Variants in ACYP2 observed in about 807,000 individuals in gnomAD.
ACYP2 encodes the protein acylphosphatase-2.
In ACYP2, 12 loss-of-function variants were observed where a neutral mutation model predicts 11.2. The ratio of observed to expected loss-of-function variants is 1.08; its 90% confidence interval spans 0.69 to 1.74. The LOEUF is 1.74. Among genes scored for constraint, ACYP2 ranks in the 40% most tolerant of loss-of-function variants. The probability of loss-of-function intolerance (pLI) is 0.00; values close to 1 mark genes in which losing one functional copy is unlikely to be tolerated. For synonymous variants in ACYP2, 43 were observed against 32.2 expected (o/e 1.33, Z -1.13); for missense variants, 134 against 101.9 (o/e 1.31, Z -1.35).
At chr2:54,285,169 C>T (rs914370292) in intron 6 of ACYP2, among the ~76,000 whole-genome samples, 1 of 152,152 alleles carries the variant, frequency 6.6e-6, no homozygotes, top group Non-Finnish European at 1.5e-5. Flanking sequence ...GTACTGGTCC[C>T]TTTGGAATCC....
Position 54,123,163 on chromosome 2 carries a change from A to G in ACYP2, c.278-12290A>G, listed in dbSNP as rs1680255369. The G allele has an allele frequency of 7.7e-6, 3 of 391,494 alleles. No homozygotes were observed. In the South Asian group the frequency reaches 4.3e-4, roughly 56 times the overall value. 24.3% of individuals were successfully genotyped at this position (391,494 alleles called of 1,614,324 possible). A position where few individuals can be genotyped will look rare whatever the true frequency, so the allele number is the denominator to read the frequency against. ...TGTCCCTGTGACAAGGGCAGGGTAG[A>G]AAGTAGCCAGGAATGACACACTAAT... On this transcript the variant is annotated intron_variant, in intron 4 of 6. Transcript: ENST00000607452.
chr2:54,033,280 C>T (rs140519852), intron 2 of ACYP2, among the ~76,000 whole-genome samples: 29 of 151,638 alleles, frequency 1.9e-4, no homozygotes, highest in African/African-American at 6.8e-4. Context: ...TCACTGCAGC[C>T]TTGACCTCCC....
At chr2:54,067,164 T>C (rs576638366) in intron 4 of ACYP2, among the ~76,000 whole-genome samples, 105 of 152,358 alleles carry the variant, frequency 6.9e-4, no homozygotes, top group African/African-American at 2.0e-3. Flanking sequence ...TACTTGAGAC[T>C]CTAAAGGTTG....
intron 6 of ACYP2, among the ~76,000 whole-genome samples, chr2:54,189,810 T>A (rs1337479575): frequency 1.3e-5 from 2 of 152,156 alleles, no homozygotes; most frequent in Non-Finnish European, 2.9e-5. Flanking sequence ...GCTGCACCAA[T>A]CTTCATCCCC....
chr2:54,173,694 C>T (rs1030899976), intron 6 of ACYP2, among the ~76,000 whole-genome samples: 18 of 152,014 alleles, frequency 1.2e-4, no homozygotes, highest in Admixed American at 1.3e-4. Context: ...AGTCTTTAGT[C>T]CATCTTGAAT....
At chr2:54,033,246 G>T (rs1409590220) in intron 2 of ACYP2, among the ~76,000 whole-genome samples, 4 of 151,086 alleles carry the variant, frequency 2.6e-5, no homozygotes, top group Non-Finnish European at 5.9e-5. Context: ...TGTCCAGGCT[G>T]GAGCACAGTG....
intron 2 of ACYP2, among the ~76,000 whole-genome samples, chr2:54,012,284 T>C (rs1673416861): frequency 6.6e-6 from 1 of 150,406 alleles, no homozygotes; most frequent in Admixed American, 6.6e-5. Context: ...GCTCACACGA[T>C]CACTTAAGTT....
At chr2:54,098,918 A>C (rs1180219214) in intron 4 of ACYP2, among the ~76,000 whole-genome samples, 1 of 152,028 alleles carries the variant, frequency 6.6e-6, no homozygotes, top group South Asian at 2.1e-4. Flanking sequence ...TGTAGAGATG[A>C]GGTCTTGCTA....
chr2:54,178,018 C>T (rs372396705), intron 6 of ACYP2, among the ~76,000 whole-genome samples: 1 of 151,188 alleles, frequency 6.6e-6, no homozygotes, highest in African/African-American at 2.4e-5. Context: ...AATTCTCCTG[C>T]CTTAGCCTCC....
chr2:54,170,813 T>C (rs1368550974), intron 6 of ACYP2, among the ~76,000 whole-genome samples: 1 of 152,196 alleles, frequency 6.6e-6, no homozygotes, highest in Non-Finnish European at 1.5e-5. Context: ...GGAACTCCTG[T>C]AATGAAGTAG....
At chr2:54,197,052 T>C (rs1307587560) in intron 6 of ACYP2, among the ~76,000 whole-genome samples, 1 of 152,138 alleles carries the variant, frequency 6.6e-6, no homozygotes, top group Non-Finnish European at 1.5e-5. Flanking sequence ...TAGGTAGTAT[T>C]ATAACCCCCC....
intron 6 of ACYP2, among the ~76,000 whole-genome samples, chr2:54,226,858 C>G (rs948297197): frequency 6.6e-6 from 1 of 152,130 alleles, no homozygotes; most frequent in African/African-American, 2.4e-5. Context: ...TATAGCATTC[C>G]TAGTACTCAG....
chr2:54,148,401 G>A (rs897931914), intron 6 of ACYP2, among the ~76,000 whole-genome samples: 3 of 152,192 alleles, frequency 2.0e-5, no homozygotes, highest in African/African-American at 4.8e-5. Flanking sequence ...ATGTGTAATT[G>A]CATGGTGAAA....
chr2:54,286,327 C>G (rs1400186669), intron 6 of ACYP2, among the ~76,000 whole-genome samples: 1 of 152,016 alleles, frequency 6.6e-6, no homozygotes, highest in Non-Finnish European at 1.5e-5. Context: ...ATGCATATTG[C>G]TAGCCTGGAA....
Position 54,077,968 on chromosome 2 carries a change from CTTTCT to C in ACYP2, c.277+20612_277+20616del, listed in dbSNP as rs1354151612. On this transcript the variant is annotated intron_variant, in intron 4 of 6. Transcript: ENST00000607452. ...GCAATGATTGCACTTTCTTTTCTTT[CTTTCT>C]TTTTTTTTTTTTTCAAGATGGAGTC... Among the ~76,000 whole-genome samples, 9 of 137,974 alleles carry C rather than the reference CTTTCT, an allele frequency of 6.5e-5. No individual in the cohort carries two copies. In the South Asian group the frequency reaches 8.3e-4, roughly 13 times the overall value. The allele number at this position is 137,974 out of a possible 152,430, so 90.5% of individuals were successfully genotyped here. A position where few individuals can be genotyped will look rare whatever the true frequency, so the allele number is the denominator to read the frequency against.
chr2:54,018,195 G>A (rs893251246), intron 2 of ACYP2, among the ~76,000 whole-genome samples: 1 of 152,128 alleles, frequency 6.6e-6, no homozygotes, highest in Non-Finnish European at 1.5e-5. Context: ...ACCTAAGTAA[G>A]CATCAGTATC....
At chr2:54,055,857 ATGTGT>A (rs1676114615) in intron 3 of ACYP2, among the ~76,000 whole-genome samples, 1 of 152,226 alleles carries the variant, frequency 6.6e-6, no homozygotes, top group Admixed American at 6.5e-5. Context: ...ATTCTGTAAC[ATGTGT>A]TGTGATAAAC....
intron 2 of ACYP2, among the ~76,000 whole-genome samples, chr2:54,016,809 T>C (rs574941573): frequency 9.0e-4 from 134 of 149,104 alleles, no homozygotes; most frequent in African/African-American, 3.2e-3. Context: ...CACTGCAAGC[T>C]CCGCCTCCTG....
At chr2:54,277,974 AT>A (rs1688680583) in intron 6 of ACYP2, among the ~76,000 whole-genome samples, 1 of 151,982 alleles carries the variant, frequency 6.6e-6, no homozygotes, top group African/African-American at 2.4e-5. Context: ...TAATTAATTA[AT>A]TTATTTATTT....
Sources: allele counts gnomAD v4.1 joint callset (sites outside exome capture counted in the v4.1 genomes callset), GRCh38; gene constraint gnomAD v4.1.1; transcripts MANE v1.5; gene names NCBI Gene and HGNC (gene_info 2026-07-23, HGNC 2026-07-21).